The following MME variants were observed in gnomAD, a reference collection of about 807,000 sequenced individuals.
The protein encoded by MME is membrane metalloendopeptidase.
A neutral mutation model predicts 113.2 loss-of-function variants in MME; 98 were observed. The ratio of observed to expected loss-of-function variants is 0.87; its 90% confidence interval spans 0.74 to 1.02. The LOEUF (loss-of-function observed/expected upper bound fraction) is 1.02, where lower values mean the gene tolerates loss of function less well. Ranked by LOEUF, MME falls within the 50% of genes least tolerant of loss-of-function variation. MME has a pLI of 0.00. For missense variants in MME, 836 were observed against 896.0 expected, an observed-to-expected ratio of 0.93 and a Z score of 0.86; for synonymous variants, 292 against 300.6, an observed-to-expected ratio of 0.97 and a Z score of 0.30.
rs139894681 is a variant in MME at position 155,109,765 on chromosome 3, G to T, written c.197-5229G>T. 8.5e-5 allele frequency among the ~76,000 whole-genome samples: 13 copies of T among 152,232 alleles called. No homozygotes were observed. In the East Asian group the frequency reaches 2.5e-3, roughly 29 times the overall value. On this transcript the variant is annotated intron_variant, in intron 3 of 22. Transcript: ENST00000360490. ...TTCTGGGCATCCGTGTGTCTAAAAGGCTTCTCAGATGATTCACATGTTTAG... is the reference window on the plus strand; with the variant it reads ...TTCTGGGCATCCGTGTGTCTAAAAGTCTTCTCAGATGATTCACATGTTTAG...
chr3:155,063,195 AT>A (rs1437140234), intron 1 of MME, among the ~76,000 whole-genome samples: 39 of 123,108 alleles, frequency 3.2e-4, no homozygotes, highest in Admixed American at 1.6e-3. Context: ...AATATATATT[AT>A]TTATATATTA....
chr3:155,043,193 C>T (rs1236181298), intron 1 of MME, among the ~76,000 whole-genome samples: 1 of 150,842 alleles, frequency 6.6e-6, no homozygotes, highest in Admixed American at 6.6e-5. Context: ...ACTTTTCTTA[C>T]AGTAATTTTA....
chr3:155,142,100 A>G lies in MME; in HGVS notation c.1067A>G (p.Lys356Arg). 1 of 1,613,906 alleles carries G rather than the reference A, an allele frequency of 6.2e-7. No individual in the cohort carries two copies. The highest frequency in any genetic ancestry group is 8.5e-7 in the Non-Finnish European group (1 of 1,179,846). Residue 356 changes from lysine (K) to arginine (R), a missense_variant, in exon 11 of 23, where the codon AAG becomes AGG. By Grantham distance (26) the Lys-to-Arg change is conservative. Transcript: ENST00000360490. Reference sequence around the variant, plus strand: ...GCTCCAGAATATTTAACCAAACTTAAGCCCATTCTTACCAAATATTCTGCC... The same window carrying G: ...GCTCCAGAATATTTAACCAAACTTAGGCCCATTCTTACCAAATATTCTGCC... ...VYAPEYLTKL[K>R]PILTKYSARD...
At chr3:155,064,512 A>T (rs2037986993) in intron 1 of MME, among the ~76,000 whole-genome samples, 1 of 152,176 alleles carries the variant, frequency 6.6e-6, no homozygotes, top group African/African-American at 2.4e-5. Context: ...TGAAATAATG[A>T]GGACTATCAC....
chr3:155,161,253 C>G (rs1722704581), intron 17 of MME, among the ~76,000 whole-genome samples: 1 of 151,898 alleles, frequency 6.6e-6, no homozygotes, highest in Non-Finnish European at 1.5e-5. Context: ...TCAACTGATT[C>G]AGTACTGCCA....
chr3:155,174,382 A>ATGTGTG (rs1712313999), intron 22 of MME, among the ~76,000 whole-genome samples: 1 of 98,656 alleles, frequency 1.0e-5, no homozygotes, highest in Non-Finnish European at 2.1e-5. Flanking sequence ...GTGTGTGTGA[A>ATGTGTG]GGGTAAATGG....
intron 1 of MME, among the ~76,000 whole-genome samples, chr3:155,031,424 G>C (rs1712967386): frequency 6.6e-6 from 1 of 151,948 alleles, no homozygotes; most frequent in South Asian, 2.1e-4. Context: ...GGGAGTTGAG[G>C]GAACAAGCAG....
At chr3:155,099,401 T>G (rs1221422749) in intron 3 of MME, among the ~76,000 whole-genome samples, 1 of 152,212 alleles carries the variant, frequency 6.6e-6, no homozygotes, top group Non-Finnish European at 1.5e-5. Flanking sequence ...TCCTTTAATC[T>G]TACATTTCTT....
At chr3:155,148,755 A>G in intron 16 of MME, 102 bp downstream of exon 16, 1 of 860,976 alleles carries the variant, frequency 1.2e-6, no homozygotes, top group Admixed American at 2.2e-5. Flanking sequence ...AAATATTAAA[A>G]AGTACAAAGT....
chr3:155,094,093 A>G (rs899169927), intron 3 of MME, among the ~76,000 whole-genome samples: 1 of 152,210 alleles, frequency 6.6e-6, no homozygotes, highest in African/African-American at 2.4e-5. Flanking sequence ...ATAAATTCCA[A>G]CAACTGATAT....
At chr3:155,108,889 A>G (rs1353817030) in intron 3 of MME, among the ~76,000 whole-genome samples, 1 of 152,142 alleles carries the variant, frequency 6.6e-6, no homozygotes, top group East Asian at 1.9e-4. Flanking sequence ...TTGGAAAGCA[A>G]GGCATCCAGA....
At position 155,133,062 on chromosome 3, in the gene MME, A is replaced by AAAATATATATATAT. The variant is rs1553762419; in HGVS notation, c.721-5039_721-5038insAATATATATATATA. ...TCTAAAAAAAAAAAAAAAAAAAAAA[A>AAAATATATATATAT]ATATATATATATATATATGTATAAA... On this transcript the variant is annotated intron_variant, in intron 8 of 22. Transcript: ENST00000360490. Among the ~76,000 whole-genome samples, 13 of 75,078 alleles carry AAAATATATATATAT rather than the reference A, an allele frequency of 1.7e-4. No individual in the cohort carries two copies. In the East Asian group the frequency reaches 3.2e-3, roughly 19 times the overall value. 49.3% of individuals were successfully genotyped at this position (75,078 alleles called of 152,430 possible).
At chr3:155,167,645 T>C (rs1213611564) in intron 18 of MME, among the ~76,000 whole-genome samples, 1 of 152,066 alleles carries the variant, frequency 6.6e-6, no homozygotes, top group Non-Finnish European at 1.5e-5. Flanking sequence ...TAGAGAACAA[T>C]AGAGAGAAAA....
chr3:155,102,763 C>A (rs192851653), intron 3 of MME, among the ~76,000 whole-genome samples: 1 of 152,292 alleles, frequency 6.6e-6, no homozygotes, highest in East Asian at 1.9e-4. Context: ...ATTTCCCTCC[C>A]CTTCACTGGG....
At chr3:155,078,659 ATGTGTGTGTGTGTGTGTGTG>A (rs5853711), upstream of MME, among the ~76,000 whole-genome samples, 1 of 141,842 alleles carries the variant, frequency 7.1e-6, no homozygotes, top group Non-Finnish European at 1.5e-5. Context: ...ATGTGTGTGT[ATGTGTGTGTGTGTGTGTGTG>A]TGTGTGTGTG....
At chr3:155,079,750 G>A (rs933018908), upstream of MME, 1 of 152,506 alleles carries the variant, frequency 6.6e-6, no homozygotes, top group Non-Finnish European at 1.5e-5. Flanking sequence ...TCTGCTGAGG[G>A]GTCACGGTGA....
chr3:155,091,450 A>G (rs934987928), intron 3 of MME, among the ~76,000 whole-genome samples: 2 of 152,222 alleles, frequency 1.3e-5, no homozygotes, highest in Non-Finnish European at 2.9e-5. Context: ...GGGAAAGACA[A>G]TTAGCAATGC....
chr3:155,091,935 T>C (rs1310897386), intron 3 of MME, among the ~76,000 whole-genome samples: 1 of 152,120 alleles, frequency 6.6e-6, no homozygotes, highest in Non-Finnish European at 1.5e-5. Flanking sequence ...GGCCACATAT[T>C]AGTCAGGCCT....
chr3:155,106,020 A>G (rs1352694851), intron 3 of MME, among the ~76,000 whole-genome samples: 2 of 152,216 alleles, frequency 1.3e-5, no homozygotes, highest in African/African-American at 4.8e-5. Context: ...TATAAGACCT[A>G]TGGATTTAAG....
Sources: allele counts gnomAD v4.1 joint callset (sites outside exome capture counted in the v4.1 genomes callset), GRCh38; gene constraint gnomAD v4.1.1; transcripts MANE v1.5; gene names NCBI Gene and HGNC (gene_info 2026-07-23, HGNC 2026-07-21).